The following TMEM254 variants were observed in gnomAD, a reference collection of about 807,000 sequenced individuals.
TMEM254 encodes the protein transmembrane protein C10orf57.
TMEM254 carries 16 observed loss-of-function variants against 13.9 expected under a neutral mutation model. The observed-to-expected ratio is 1.15, with a 90% CI of 0.78 to 1.75. The LOEUF is 1.75. TMEM254 is among the 40% of genes most tolerant of loss of function. The probability of loss-of-function intolerance (pLI) is 0.00; values close to 1 mark genes in which losing one functional copy is unlikely to be tolerated. For missense variants in TMEM254, 155 were observed against 149.0 expected (o/e 1.04, Z -0.21); for synonymous variants, 61 against 56.4 (o/e 1.08, Z -0.36).
intron 1 of TMEM254, among the ~76,000 whole-genome samples, chr10:80,080,216 G>A (rs960704588): frequency 4.9e-4 from 75 of 152,314 alleles, no homozygotes; most frequent in African/African-American, 1.6e-3. Flanking sequence ...TTTCCCTTTG[G>A]TTTGGGAGGA....
At chr10:80,082,420 A>G (rs1370355553) in intron 3 of TMEM254, among the ~76,000 whole-genome samples, 1 of 152,216 alleles carries the variant, frequency 6.6e-6, no homozygotes, top group Non-Finnish European at 1.5e-5. Flanking sequence ...CCAATTACTT[A>G]GTTATCTAAT....
Position 80,078,674 on chromosome 10 carries a change from C to T in TMEM254, c.-26C>T. 5 of 1,574,128 alleles carry T rather than the reference C, an allele frequency of 3.2e-6. No homozygotes were observed. Among genetic ancestry groups the T allele is most frequent in the Non-Finnish European group, 3.4e-6 (4 of 1,163,454 alleles). The stretch of plus-strand genomic sequence containing the variant: ...GCTCGCGCTCGACGGTGTCCTGAAG[C>T]GCGCTCCCGGGGAGGTGTTGCAGCC... On this transcript the variant is annotated 5_prime_UTR_variant, in exon 1 of 4. Coordinates refer to ENST00000372281, the MANE Select transcript of TMEM254 (RefSeq NM_025125.4).
chr10:80,086,481 T>G (rs1172104768), intron 3 of TMEM254: 1 of 320,968 alleles, frequency 3.1e-6, no homozygotes, highest in Non-Finnish European at 5.9e-6. Flanking sequence ...TTTGTTGTTT[T>G]GCCTATTTCA....
intron 1 of TMEM254, among the ~76,000 whole-genome samples, chr10:80,081,384 C>T (rs1844013554): frequency 6.6e-6 from 1 of 152,092 alleles, no homozygotes. Flanking sequence ...AAATAGAAGT[C>T]ATCCTGGCAC....
At chr10:80,078,896 C>T in intron 1 of TMEM254, 110 bp downstream of exon 1, 1 of 1,525,350 alleles carries the variant, frequency 6.6e-7, no homozygotes, top group Non-Finnish European at 8.9e-7. Flanking sequence ...CAAGCACAAT[C>T]CCGACTCCCG....
intron 3 of TMEM254, among the ~76,000 whole-genome samples, chr10:80,088,162 T>C (rs1844403507): frequency 6.6e-6 from 1 of 152,316 alleles, no homozygotes; most frequent in Non-Finnish European, 1.5e-5. Context: ...CATACTGATA[T>C]GTGTGGATCT....
chr10:80,081,906 G>C lies in TMEM254; in HGVS notation c.153G>C (p.Gln51His). ...QNLGPLGPFT[Q>H]YLVDHHHTLL... ...TTGGGCCCCTGGGCCCCTTCACTCA[G>C]TACTTGGTGGACCACCATCACACCC... is the stretch of plus-strand genomic sequence containing the variant. The change falls in exon 2 of 4, where the codon CAG becomes CAC. Residue 51 changes from glutamine to histidine, a missense_variant. Coordinates refer to ENST00000372281, the MANE Select transcript of TMEM254 (RefSeq NM_025125.4). The C allele has an allele frequency of 6.2e-7, 1 of 1,614,214 alleles. No homozygotes were observed. The highest frequency in any genetic ancestry group is 8.5e-7 in the Non-Finnish European group (1 of 1,180,038).
intron 1 of TMEM254, chr10:80,079,178 C>CT: frequency 8.0e-7 from 1 of 1,256,530 alleles, no homozygotes; most frequent in Non-Finnish European, 1.1e-6. Flanking sequence ...GGCTGGGCTA[C>CT]TTCGCGGTGA....
At chr10:80,081,672 AAAAGAAAG>A in intron 1 of TMEM254, 161 bp from the exon 2 acceptor site, 2 of 1,566,494 alleles carry the variant, frequency 1.3e-6, no homozygotes, top group Non-Finnish European at 1.7e-6. Context: ...TGTCAAAAAA[AAAAGAAAG>A]AAAGAAAATA....
intron 1 of TMEM254, chr10:80,079,710 G>A (rs1843870112): frequency 2.0e-6 from 2 of 985,750 alleles, no homozygotes; most frequent in South Asian, 9.4e-5. Context: ...GGGGGCTAAG[G>A]TGGTAGTTTT....
At chr10:80,088,914 T>G (rs555236439) in intron 3 of TMEM254, among the ~76,000 whole-genome samples, 56 of 152,038 alleles carry the variant, frequency 3.7e-4, no homozygotes, top group African/African-American at 9.9e-4. Flanking sequence ...TGTTGTTGTT[T>G]TTGTTTTTGT....
chr10:80,086,211 G>A, intron 3 of TMEM254: 7 of 1,436,670 alleles, frequency 4.9e-6, no homozygotes, highest in Non-Finnish European at 6.4e-6. Flanking sequence ...TTTCTTAAAA[G>A]ACTTTTGTCT....
chr10:80,079,282 A>T (rs1226187720), intron 1 of TMEM254: 1 of 1,212,574 alleles, frequency 8.2e-7, no homozygotes, highest in Non-Finnish European at 1.1e-6. Flanking sequence ...GCGCACGCGC[A>T]TCTGACGGTT....
chr10:80,082,607 A>G (rs1450721885), intron 3 of TMEM254, among the ~76,000 whole-genome samples: 2 of 152,102 alleles, frequency 1.3e-5, no homozygotes, highest in African/African-American at 4.8e-5. Flanking sequence ...CAAAATACAC[A>G]CGTCTGGTTT....
intron 1 of TMEM254, 197 bp downstream of exon 1, chr10:80,078,983 G>C: frequency 6.5e-7 from 1 of 1,539,212 alleles, no homozygotes; most frequent in East Asian, 2.5e-5. Context: ...TCTTGGGCGG[G>C]CGCCCAGGGC....
chr10:80,089,898 G>A lies in TMEM254; in HGVS notation c.252-899G>A, dbSNP rs1368418170. Among the ~76,000 whole-genome samples, 9 of 151,652 alleles carry A rather than the reference G, an allele frequency of 5.9e-5. No homozygotes were observed. In the East Asian group the frequency reaches 1.4e-3, roughly 23 times the overall value. ...CGGGCTCCTGTAATCCCAGCTACTC[G>A]GGAGGCTGAGGCAGGAGAATGGCAT... On this transcript the variant is annotated intron_variant, in intron 3 of 3. Coordinates refer to ENST00000372281, the MANE Select transcript of TMEM254 (RefSeq NM_025125.4).
rs941711592 is a variant in TMEM254, at chr10:80,091,607, C to T, written c.*690C>T. The stretch of plus-strand genomic sequence containing the variant: ...TTCCCTCCACCTGGCCCCTGGGACA[C>T]TGTGCTCTGCAGTGTGCAGGGCCTG... On this transcript the variant is annotated 3_prime_UTR_variant, in exon 4 of 4. Transcript: ENST00000372281. The T allele has an allele frequency of 2.0e-5, 3 of 152,490 alleles. No individual in the cohort carries two copies. The highest frequency in any genetic ancestry group is 1.3e-4 in the Admixed American group (2 of 15,290). The allele number at this position is 152,490 out of a possible 1,614,324, so 9.4% of individuals were successfully genotyped here.
Position 80,090,850 on chromosome 10 carries a change from T to G in TMEM254, c.305T>G (p.Phe102Cys). ...CAGCTACTCTGGTTCCTACAGACTT[T>G]CTTCTTTGGGATAGCGTCTCTCACC... ...RAQLLWFLQT[F>C]FFGIASLTIL... is the part of the protein sequence containing the mutation. Residue 102 changes from phenylalanine to cysteine, a missense_variant, in exon 4 of 4, where the codon TTC becomes TGC. Phe to Cys is a radical substitution (Grantham distance 205, BLOSUM62 -2). Transcript: ENST00000372281. The G allele has an allele frequency of 1.2e-6, 2 of 1,614,162 alleles. No homozygotes were observed. The highest frequency in any genetic ancestry group is 1.7e-6 in the Non-Finnish European group (2 of 1,180,032).
Position 80,091,110 on chromosome 10 carries a change from A to C in TMEM254, c.*193A>C. On this transcript the variant is annotated 3_prime_UTR_variant, in exon 4 of 4. Transcript: ENST00000372281. ...GTTGAGCTTGAATAGACCAGTTGTT[A>C]CTTAAGAAAGAAACAGAGAAAGATT... The C allele has an allele frequency of 1.8e-6, 1 of 564,850 alleles. No individual in the cohort carries two copies. Among genetic ancestry groups the C allele is most frequent in the Non-Finnish European group, 2.9e-6 (1 of 345,916 alleles). 35.0% of individuals were successfully genotyped at this position (564,850 alleles called of 1,614,324 possible).
Sources: gnomAD v4.1 joint callset for allele counts (sites outside exome capture counted in the v4.1 genomes callset) on GRCh38, gnomAD v4.1.1 for gene constraint, MANE v1.5 for transcripts, NCBI Gene and HGNC (gene_info 2026-07-23, HGNC 2026-07-21) for gene names.